ZIM2: variants seen among roughly 807,000 people sequenced by gnomAD.
The protein encoded by ZIM2 is zinc finger imprinted 2.
A neutral mutation model predicts 38.6 loss-of-function variants in ZIM2; 14 were observed. That is an observed-to-expected ratio of 0.36 (90% CI 0.24 to 0.57). The LOEUF is 0.57. Ranked by LOEUF, ZIM2 falls within the 20% of genes least tolerant of loss-of-function variation. The pLI, the probability that ZIM2 is intolerant of heterozygous loss-of-function variation, is 0.81. For missense variants in ZIM2, 680 were observed against 695.1 expected (o/e 0.98, Z 0.24); for synonymous variants, 247 against 245.8 (o/e 1.00, Z -0.04).
intron 12 of ZIM2, among the ~76,000 whole-genome samples, chr19:56,776,371 CA>C (rs953375740): frequency 1.3e-5 from 2 of 152,112 alleles, no homozygotes; most frequent in Non-Finnish European, 2.9e-5. Flanking sequence ...TTGTATGACA[CA>C]AATCAAGCAG....
intron 9 of ZIM2, chr19:56,810,750 G>A (rs776476844): frequency 5.3e-5 from 52 of 983,758 alleles, no homozygotes; most frequent in East Asian, 1.1e-4. Context: ...TATCACAAGC[G>A]TGTGCACTGA....
intron 9 of ZIM2, chr19:56,798,802 C>T (rs921547898): frequency 2.6e-5 from 4 of 151,980 alleles, no homozygotes; most frequent in Non-Finnish European, 5.9e-5. Context: ...GGGCAAAGGA[C>T]GTGGACAGAC....
At chr19:56,789,792 TAATTA>T in intron 10 of ZIM2, 75 bp downstream of exon 10, 1 of 1,254,992 alleles carries the variant, frequency 8.0e-7, no homozygotes, top group African/African-American at 1.5e-5. Context: ...GTATGTGGTT[TAATTA>T]AATAAGGAAG....
chr19:56,825,086 TA>T (rs1465379070), intron 3 of ZIM2: 2 of 162,134 alleles, frequency 1.2e-5, no homozygotes, highest in African/African-American at 4.8e-5. Flanking sequence ...CTAAGATACC[TA>T]AAAAGACTTA....
At position 56,789,861 on chromosome 19, in the gene ZIM2, G is replaced by T; in HGVS notation, c.570+11C>A. 6.5e-7 allele frequency: 1 copy of T among 1,547,838 alleles called. No homozygotes were observed. Among genetic ancestry groups the T allele is most frequent in the Non-Finnish European group, 8.8e-7 (1 of 1,135,670 alleles). ...TATTTGATAACCATGTCAGAGGAAA[G>T]CCTGACTCACCTGGGACCCAGCAGA... On this transcript the variant is annotated intron_variant, in intron 10 of 12. Coordinates refer to ENST00000629319, the MANE Select transcript of ZIM2 (RefSeq NM_001387356.1).
chr19:56,775,493 C>A lies in ZIM2; in HGVS notation c.872G>T (p.Gly291Val). Residue 291 changes from glycine (G) to valine (V), a missense_variant, in exon 13 of 13, where the codon GGC (glycine) becomes GTC (valine). Gly to Val is a moderately radical substitution (Grantham distance 109). Coordinates refer to ENST00000629319, the MANE Select transcript of ZIM2 (RefSeq NM_001387356.1). ...SHDDPLEPHQ[G>V]NQEKLLTPIT... ...AGGAGTCAAAAGTTTCTCTTGGTTG[C>A]CCTGGTGTGGTTCCAATGGATCATC... 1 of 1,613,378 alleles carries A rather than the reference C, an allele frequency of 6.2e-7. No individual in the cohort carries two copies. The highest frequency in any genetic ancestry group is 8.5e-7 in the Non-Finnish European group (1 of 1,179,822).
chr19:56,815,068 T>TGGTCTGTGA (rs778260017), intron 9 of ZIM2: 1 of 1,614,128 alleles, frequency 6.2e-7, no homozygotes, highest in East Asian at 2.2e-5. Flanking sequence ...GACTTTCTGA[T>TGGTCTGTGA]GGTCTGTGAG....
chr19:56,798,827 G>A (rs1436680441), intron 9 of ZIM2: 1 of 152,084 alleles, frequency 6.6e-6, no homozygotes, highest in Non-Finnish European at 1.5e-5. Context: ...CTCAAAAGAA[G>A]AAATTTATGT....
intron 12 of ZIM2, among the ~76,000 whole-genome samples, chr19:56,778,118 C>T (rs955988866): frequency 7.9e-5 from 12 of 152,184 alleles, no homozygotes; most frequent in Admixed American, 2.0e-4. Context: ...ATCCACTTTA[C>T]GCTCCGTTAT....
chr19:56,822,966 A>C (rs2060643660), intron 5 of ZIM2, 130 bp from the exon 6 acceptor site: 3 of 1,238,836 alleles, frequency 2.4e-6, no homozygotes, highest in Non-Finnish European at 3.4e-6. Flanking sequence ...CAAAACAGAG[A>C]GCTCCAGGTT....
intron 9 of ZIM2, chr19:56,811,066 G>T (rs967660184): frequency 1.9e-5 from 19 of 977,258 alleles, no homozygotes; most frequent in Non-Finnish European, 2.3e-5. Context: ...CAAGATAAGA[G>T]GAGAGTATAT....
intron 1 of ZIM2, among the ~76,000 whole-genome samples, chr19:56,837,187 C>T (rs969930089): frequency 7.2e-5 from 11 of 152,150 alleles, no homozygotes; most frequent in Admixed American, 5.2e-4. Context: ...AGCTGGGCAG[C>T]CCTCTAGCGG....
intron 2 of ZIM2, among the ~76,000 whole-genome samples, chr19:56,830,947 A>AAAAAT (rs961842046): frequency 1.3e-5 from 2 of 151,856 alleles, no homozygotes; most frequent in African/African-American, 2.4e-5. Flanking sequence ...AAAAACAATA[A>AAAAAT]AAAATAAAAT....
chr19:56,775,616 C>A, intron 12 of ZIM2, 87 bp from the exon 13 acceptor site: 1 of 1,504,318 alleles, frequency 6.6e-7, no homozygotes, highest in Non-Finnish European at 8.8e-7. Flanking sequence ...AGGCTTTGCC[C>A]TGGAGTTAGT....
chr19:56,784,547 T>C (rs2145877201), intron 10 of ZIM2, among the ~76,000 whole-genome samples: 1 of 152,314 alleles, frequency 6.6e-6, no homozygotes, highest in Admixed American at 6.5e-5. Context: ...TTTTTAAGAC[T>C]GCTATCTTAC....
intron 9 of ZIM2, chr19:56,810,152 A>T (rs949931157): frequency 1.0e-6 from 1 of 978,072 alleles, no homozygotes; most frequent in Non-Finnish European, 1.2e-6. Flanking sequence ...TTAACAAACC[A>T]AAAACCTGTG....
At chr19:56,789,830 TCCC>T in intron 10 of ZIM2, 39 bp downstream of exon 10, 1 of 1,455,834 alleles carries the variant, frequency 6.9e-7, no homozygotes, top group South Asian at 1.6e-5. Flanking sequence ...GAAGATAAGA[TCCC>T]CATATTTGAT....
chr19:56,784,181 G>A (rs1233512808), intron 10 of ZIM2, among the ~76,000 whole-genome samples: 1 of 152,190 alleles, frequency 6.6e-6, no homozygotes, highest in Non-Finnish European at 1.5e-5. Context: ...TTAAGGCTGA[G>A]CTTTGTAGTG....
intron 9 of ZIM2, chr19:56,816,766 T>C (rs2060019913): frequency 6.2e-7 from 1 of 1,614,120 alleles, no homozygotes; most frequent in Non-Finnish European, 8.5e-7. Context: ...GAATTTGTCT[T>C]TGCCATATAT....
Sources: gnomAD v4.1 joint callset for allele counts (sites outside exome capture counted in the v4.1 genomes callset) on GRCh38, gnomAD v4.1.1 for gene constraint, MANE v1.5 for transcripts, NCBI Gene and HGNC (gene_info 2026-07-23, HGNC 2026-07-21) for gene names.